ASAP2: variants seen among roughly 807,000 people sequenced by gnomAD.
ASAP2 encodes arf-GAP with SH3 domain, ANK repeat and PH domain-containing protein 2.
Under a neutral mutation model 131.4 loss-of-function variants are expected in ASAP2, and 45 were observed. The ratio of observed to expected loss-of-function variants is 0.34; its 90% CI spans 0.27 to 0.44. The LOEUF (loss-of-function observed/expected upper bound fraction) is 0.44. Among genes scored for constraint, ASAP2 ranks in the 20% least tolerant of loss-of-function variants. The pLI is 1.00. For synonymous variants in ASAP2, 510 were observed against 503.0 expected (o/e 1.01, Z -0.19); for missense variants, 1,011 against 1,297.0 (o/e 0.78, Z 3.39).
intron 1 of ASAP2, among the ~76,000 whole-genome samples, chr2:9,252,914 CAA>C (rs35078846): frequency 1.2e-4 from 13 of 108,434 alleles, no homozygotes; most frequent in East Asian, 7.1e-4. Flanking sequence ...GACTCCGTCT[CAA>C]AAAAAAAAAA....
rs1675579939 is a variant in ASAP2 at position 9,389,826 on chromosome 2, T to C, written c.2384-1236T>C. On this transcript the variant is annotated intron_variant, in intron 22 of 27. Coordinates refer to ENST00000281419, the MANE Select transcript of ASAP2 (RefSeq NM_003887.3). This position sits in a 1 kb window ranked among gnomAD's most constrained non-coding sequence, Gnocchi z 4.7. ...GACGTCCCTGAGCACAGAAGGCAGCTACAAGATGAAGCCACACAGTCGCAT... is the reference window on the plus strand; with the variant it reads ...GACGTCCCTGAGCACAGAAGGCAGCCACAAGATGAAGCCACACAGTCGCAT... Among the ~76,000 whole-genome samples the C allele has an allele frequency of 2.0e-5, 3 of 152,138 alleles. No individual in the cohort carries two copies. The highest frequency in any genetic ancestry group is 2.0e-4 in the Admixed American group (3 of 15,276).
chr2:9,390,948 C>T, intron 22 of ASAP2, 114 bp from the exon 23 acceptor site: 2 of 1,513,202 alleles, frequency 1.3e-6, no homozygotes, highest in Non-Finnish European at 1.8e-6. Context: ...AAGGGTCATA[C>T]TGACCGTTTC....
chr2:9,278,727 T>C (rs1451632733), intron 1 of ASAP2, among the ~76,000 whole-genome samples: 1 of 152,194 alleles, frequency 6.6e-6, no homozygotes, highest in African/African-American at 2.4e-5. Context: ...AGAGTACCTC[T>C]ATCTAATTAT....
intron 1 of ASAP2, among the ~76,000 whole-genome samples, chr2:9,277,185 A>G (rs925148405): frequency 6.6e-6 from 1 of 152,206 alleles, no homozygotes; most frequent in African/African-American, 2.4e-5. Flanking sequence ...TGGCACCTCT[A>G]TGTGTGAGAG....
intron 11 of ASAP2, chr2:9,350,551 C>G (rs1168187774): frequency 2.8e-6 from 1 of 358,658 alleles, no homozygotes; most frequent in African/African-American, 2.0e-5. Flanking sequence ...GCTGGCATCG[C>G]TTGTCCTCTT....
chr2:9,387,080 G>A (rs972627014), intron 21 of ASAP2, among the ~76,000 whole-genome samples: 3 of 151,110 alleles, frequency 2.0e-5, no homozygotes, highest in Admixed American at 6.6e-5. Context: ...GTGGTGGGTG[G>A]GGGGGCGCCT....
At chr2:9,300,529 C>T (rs925618166) in intron 3 of ASAP2, among the ~76,000 whole-genome samples, 4 of 152,234 alleles carry the variant, frequency 2.6e-5, no homozygotes, top group Admixed American at 2.6e-4. Context: ...TAGTTGCTGT[C>T]CAGCTTTCTA....
At chr2:9,256,096 T>C (rs946054681) in intron 1 of ASAP2, among the ~76,000 whole-genome samples, 2 of 151,054 alleles carry the variant, frequency 1.3e-5, no homozygotes, top group African/African-American at 2.4e-5. Flanking sequence ...TCCCTAGTCA[T>C]TGACATATTT....
At chr2:9,312,827 C>T (rs1253597560) in intron 3 of ASAP2, among the ~76,000 whole-genome samples, 2 of 152,102 alleles carry the variant, frequency 1.3e-5, no homozygotes, top group Admixed American at 6.6e-5. Flanking sequence ...ACATGTGGCT[C>T]CTTTACAGTG....
intron 3 of ASAP2, among the ~76,000 whole-genome samples, chr2:9,314,594 G>C (rs1669519804): frequency 6.6e-6 from 1 of 152,130 alleles, no homozygotes; most frequent in African/African-American, 2.4e-5. Flanking sequence ...TAGTGTGTGA[G>C]ATCACTAAGA....
intron 24 of ASAP2, 138 bp from the exon 25 acceptor site, chr2:9,399,882 AAAG>A: frequency 1.3e-6 from 1 of 789,468 alleles, no homozygotes; most frequent in Non-Finnish European, 2.1e-6. Context: ...TTCCCATAAA[AAAG>A]AGACAGCTAA....
chr2:9,320,623 G>C (rs577428762), intron 5 of ASAP2, among the ~76,000 whole-genome samples: 1 of 152,286 alleles, frequency 6.6e-6, no homozygotes, highest in East Asian at 1.9e-4. Context: ...CTCTTAGGAG[G>C]TATTTCTTTC....
intron 2 of ASAP2, 64 bp from the exon 3 acceptor site, chr2:9,297,236 G>T (rs1668204480): frequency 1.6e-5 from 25 of 1,588,696 alleles, no homozygotes; most frequent in Non-Finnish European, 2.1e-5. Flanking sequence ...CAACCGAGAA[G>T]AACCTGGTGG....
At chr2:9,329,624 G>C (rs751244068) in intron 7 of ASAP2, among the ~76,000 whole-genome samples, 1 of 152,214 alleles carries the variant, frequency 6.6e-6, no homozygotes, top group Admixed American at 6.5e-5. Context: ...GCAATTGCTT[G>C]TGTACACAGC....
At chr2:9,312,977 T>A (rs1669405825) in intron 3 of ASAP2, among the ~76,000 whole-genome samples, 1 of 152,182 alleles carries the variant, frequency 6.6e-6, no homozygotes, top group Non-Finnish European at 1.5e-5. Context: ...AGGAATCACT[T>A]GAACCTGGGA....
chr2:9,239,978 A>G (rs1438190286), intron 1 of ASAP2, among the ~76,000 whole-genome samples: 1 of 152,094 alleles, frequency 6.6e-6, no homozygotes, highest in Non-Finnish European at 1.5e-5. Context: ...TTCTGTTTCT[A>G]AGTTGAATTC....
intron 1 of ASAP2, among the ~76,000 whole-genome samples, chr2:9,210,715 C>T (rs1467886074): frequency 5.9e-5 from 9 of 151,926 alleles, no homozygotes; most frequent in African/African-American, 1.2e-4. Flanking sequence ...CCACCATGCC[C>T]GGCTAATTTT....
At chr2:9,318,359 A>C (rs560681787) in intron 3 of ASAP2, among the ~76,000 whole-genome samples, 165 bp from the exon 4 acceptor site, 86 of 152,324 alleles carry the variant, frequency 5.6e-4, no homozygotes, top group Non-Finnish European at 1.1e-3. Context: ...TGTAAGATGA[A>C]ATTGTTACAA....
intron 7 of ASAP2, among the ~76,000 whole-genome samples, chr2:9,333,423 T>C (rs1670969585): frequency 6.6e-6 from 1 of 152,198 alleles, no homozygotes. Flanking sequence ...TGAGAAAGTA[T>C]AAGAAGGCCT....
Sources: gnomAD v4.1 joint callset for allele counts (sites outside exome capture counted in the v4.1 genomes callset) on GRCh38, gnomAD v4.1.1 for gene constraint, Gnocchi (gnomAD v3.1) non-coding constraint, MANE v1.5 for transcripts, NCBI Gene and HGNC (gene_info 2026-07-23, HGNC 2026-07-21) for gene names.